Variants in CDH2 observed in about 807,000 individuals in gnomAD.
CDH2 encodes cadherin 2.
In CDH2, 17 loss-of-function variants were observed where a neutral mutation model predicts 92.0. That is an observed-to-expected ratio of 0.18 (90% CI 0.13 to 0.28). The LOEUF (loss-of-function observed/expected upper bound fraction) is 0.28, where lower values mean the gene tolerates loss of function less well. CDH2 is among the 10% of genes least tolerant of loss of function. The probability of loss-of-function intolerance (pLI) is 1.00; values close to 1 mark genes in which losing one functional copy is unlikely to be tolerated. For missense variants in CDH2, 862 were observed against 1,133.1 expected, an observed-to-expected ratio of 0.76 and a Z score of 3.44; for synonymous variants, 419 against 415.9, an observed-to-expected ratio of 1.01 and a Z score of -0.09.
intron 2 of CDH2, among the ~76,000 whole-genome samples, chr18:28,021,876 A>T (rs2013419399): frequency 6.6e-6 from 1 of 151,936 alleles, no homozygotes; most frequent in Admixed American, 6.6e-5. Flanking sequence ...TTGACTTTTT[A>T]TTTTTTTCCA....
intron 1 of CDH2, 135 bp from the exon 2 acceptor site, chr18:28,147,919 C>T (rs1327865390): frequency 3.3e-6 from 2 of 599,996 alleles, no homozygotes; most frequent in Admixed American, 3.1e-5. Context: ...CAAGTGCTTA[C>T]AATTAGAATG....
intron 1 of CDH2, among the ~76,000 whole-genome samples, chr18:28,163,444 G>C (rs1598520086): frequency 6.6e-6 from 1 of 152,220 alleles, no homozygotes; most frequent in East Asian, 1.9e-4. Flanking sequence ...TAGGCTTACT[G>C]AATCAGACTA....
At chr18:27,990,545 A>G (rs1033882668) in intron 9 of CDH2, among the ~76,000 whole-genome samples, 195 bp from the exon 10 acceptor site, 3 of 152,242 alleles carry the variant, frequency 2.0e-5, no homozygotes, top group Admixed American at 6.5e-5. Flanking sequence ...TAACCTAATT[A>G]TAAATCTTGA....
At chr18:27,948,882 C>G (rs1471169505), downstream of CDH2, among the ~76,000 whole-genome samples, 1 of 151,906 alleles carries the variant, frequency 6.6e-6, no homozygotes, top group Non-Finnish European at 1.5e-5. Flanking sequence ...AAAATTTAAA[C>G]TACACATACT....
chr18:27,971,394 C>T (rs2011655827), intron 14 of CDH2, among the ~76,000 whole-genome samples: 1 of 145,392 alleles, frequency 6.9e-6, no homozygotes, highest in Non-Finnish European at 1.5e-5. Flanking sequence ...CAATAACTTT[C>T]CATTTCCCTA....
intron 1 of CDH2, among the ~76,000 whole-genome samples, chr18:28,170,280 G>C (rs2016445115): frequency 6.6e-6 from 1 of 152,188 alleles, no homozygotes; most frequent in Non-Finnish European, 1.5e-5. Flanking sequence ...ATTGTGGTCT[G>C]TGTCAAATTA....
intron 2 of CDH2, among the ~76,000 whole-genome samples, chr18:28,038,181 T>C (rs1183871787): frequency 6.6e-6 from 1 of 152,102 alleles, no homozygotes; most frequent in East Asian, 1.9e-4. Flanking sequence ...CCCAGCAATT[T>C]GGGAGGCCAA....
chr18:28,129,276 T>G (rs2015728184), intron 2 of CDH2, among the ~76,000 whole-genome samples: 1 of 152,212 alleles, frequency 6.6e-6, no homozygotes, highest in African/African-American at 2.4e-5. Context: ...TCTGGTATTT[T>G]TAAATCACAG....
chr18:28,056,309 T>A (rs2014291774), intron 2 of CDH2, among the ~76,000 whole-genome samples: 1 of 152,156 alleles, frequency 6.6e-6, no homozygotes, highest in African/African-American at 2.4e-5. Flanking sequence ...ACTACACTGA[T>A]GCAAAACTAG....
intron 3 of CDH2, among the ~76,000 whole-genome samples, chr18:28,012,321 G>C (rs1036907840): frequency 6.6e-6 from 1 of 152,082 alleles, no homozygotes; most frequent in African/African-American, 2.4e-5. Context: ...TTTCTCATTA[G>C]TTTAAACCAC....
chr18:27,940,943 A>T (rs1434768726), intron 6 of CDH2, among the ~76,000 whole-genome samples: 1 of 152,202 alleles, frequency 6.6e-6, no homozygotes, highest in South Asian at 2.1e-4. Flanking sequence ...GGGTTGTGCC[A>T]TCAGTACATT....
At chr18:28,176,716 G>A (rs1304014657) in intron 1 of CDH2, among the ~76,000 whole-genome samples, 1 of 151,932 alleles carries the variant, frequency 6.6e-6, no homozygotes, top group Admixed American at 6.5e-5. Flanking sequence ...GAGGGGACCC[G>A]CAATCCAGCC....
intron 2 of CDH2, among the ~76,000 whole-genome samples, chr18:28,109,872 C>T (rs994517428): frequency 1.3e-5 from 2 of 152,140 alleles, no homozygotes; most frequent in South Asian, 2.1e-4. Flanking sequence ...TTATTGATTC[C>T]TCTTTCATAT....
chr18:28,144,257 T>C (rs1374600346), intron 2 of CDH2, among the ~76,000 whole-genome samples: 1 of 151,650 alleles, frequency 6.6e-6, no homozygotes, highest in Non-Finnish European at 1.5e-5. Context: ...TGGCCATAAA[T>C]GCTTTTAAAA....
At chr18:28,156,324 G>A (rs2016209759) in intron 1 of CDH2, among the ~76,000 whole-genome samples, 1 of 152,156 alleles carries the variant, frequency 6.6e-6, no homozygotes. Context: ...TAGCTAAAAG[G>A]CAGCCCCACA....
intron 2 of CDH2, among the ~76,000 whole-genome samples, chr18:28,076,555 T>C (rs1015871741): frequency 1.3e-5 from 2 of 152,162 alleles, no homozygotes; most frequent in Non-Finnish European, 2.9e-5. Flanking sequence ...TTTTTTTAAA[T>C]TATACTTTAA....
At chr18:28,166,148 T>TTATATATATATATATATATATA (rs1568024338) in intron 1 of CDH2, among the ~76,000 whole-genome samples, 12 of 19,794 alleles carry the variant, frequency 6.1e-4, no homozygotes, top group African/African-American at 2.6e-3. Flanking sequence ...TCAGACACAC[T>TTATATATATATATATATATATA]CATATATATA....
chr18:28,076,552 A>T (rs1226188375), intron 2 of CDH2, among the ~76,000 whole-genome samples: 4 of 151,712 alleles, frequency 2.6e-5, no homozygotes, highest in African/African-American at 9.7e-5. Flanking sequence ...TCCTTTTTTT[A>T]AATTATACTT....
chr18:28,060,157 A>AATTGTGATGATCAG (rs6146244), intron 2 of CDH2, among the ~76,000 whole-genome samples: 28,885 of 151,938 alleles, frequency 0.19, 3,064 homozygotes, highest in East Asian at 0.36. Context: ...AGAGATGCAA[A>AATTGTGATGATCAG]TTTCTATAAT....
Sources: allele counts gnomAD v4.1 joint callset (sites outside exome capture counted in the v4.1 genomes callset), GRCh38; gene constraint gnomAD v4.1.1; transcripts MANE v1.5; gene names NCBI Gene and HGNC (gene_info 2026-07-23, HGNC 2026-07-21).